KCNQ4: variants seen among roughly 807,000 people sequenced by gnomAD.
The protein encoded by KCNQ4 is potassium voltage-gated channel subfamily Q member 4, also known as potassium voltage-gated channel subfamily KQT member 4.
A neutral mutation model predicts 72.6 loss-of-function variants in KCNQ4; 31 were observed. The ratio of observed to expected loss-of-function variants is 0.43; its 90% CI spans 0.32 to 0.58. The LOEUF is 0.58. Among genes scored for constraint, KCNQ4 ranks in the 20% least tolerant of loss-of-function variants. KCNQ4 has a pLI of 0.08. For missense variants in KCNQ4, 869 were observed against 962.6 expected (o/e 0.90, Z 1.29); for synonymous variants, 405 against 403.7 (o/e 1.00, Z -0.04).
intron 4 of KCNQ4, chr1:40,819,113 G>A (rs1648196073): frequency 1.3e-5 from 6 of 474,118 alleles, no homozygotes; most frequent in Non-Finnish European, 2.3e-5. Context: ...GGAACCTGGA[G>A]ACTCAAGGCA....
intron 9 of KCNQ4, chr1:40,826,807 G>T (rs566547158): frequency 2.7e-6 from 1 of 376,670 alleles, no homozygotes; most frequent in Non-Finnish European, 5.5e-6. Context: ...GCCGCCTGCC[G>T]TCTGCCTTGG....
At chr1:40,811,955 C>A (rs990877011) in intron 1 of KCNQ4, among the ~76,000 whole-genome samples, 1 of 152,198 alleles carries the variant, frequency 6.6e-6, no homozygotes. Context: ...TTAGAAAGTC[C>A]TTTGTTGGAT....
At chr1:40,790,571 A>G (rs1647263309) in intron 1 of KCNQ4, among the ~76,000 whole-genome samples, 1 of 152,176 alleles carries the variant, frequency 6.6e-6, no homozygotes, top group Non-Finnish European at 1.5e-5. Context: ...CAGCCATCTT[A>G]TCAGGTGGGT....
At chr1:40,786,940 A>G (rs1570796274) in intron 1 of KCNQ4, among the ~76,000 whole-genome samples, 1 of 152,174 alleles carries the variant, frequency 6.6e-6, no homozygotes, top group African/African-American at 2.4e-5. Flanking sequence ...ACTCCTAGCC[A>G]GACCATTACA....
At chr1:40,820,634 C>G (rs1215474652) in intron 7 of KCNQ4, among the ~76,000 whole-genome samples, 2 of 152,244 alleles carry the variant, frequency 1.3e-5, no homozygotes, top group Non-Finnish European at 2.9e-5. Flanking sequence ...ACTTCCAGCA[C>G]CTTCATTCAT....
At position 40,838,180 on chromosome 1, in the gene KCNQ4, G is replaced by A. The variant is rs894150452; in HGVS notation, c.1876-131G>A. The A allele has an allele frequency of 1.7e-5, 14 of 805,640 alleles. No homozygotes were observed. In the African/African-American group the frequency reaches 1.9e-4, roughly 11 times the overall value. 49.9% of individuals were successfully genotyped at this position (805,640 alleles called of 1,614,324 possible). ...CTCTAGCCAAGCTCCACCTTTCCAG[G>A]CGGGATTTGTGCTTCCCAGATAAGC... On this transcript the variant is annotated intron_variant, in intron 13 of 13. Coordinates refer to ENST00000347132, the MANE Select transcript of KCNQ4 (RefSeq NM_004700.4).
chr1:40,824,435 G>A (rs369766451), intron 9 of KCNQ4, among the ~76,000 whole-genome samples, 177 bp downstream of exon 9: 1 of 152,234 alleles, frequency 6.6e-6, no homozygotes, highest in African/African-American at 2.4e-5. Context: ...CTCTGGAGGG[G>A]TCAGGCTGGA....
Position 40,823,972 on chromosome 1 carries a change from G to A in KCNQ4, c.1131-125G>A, listed in dbSNP as rs1648393069. 9.1e-6 allele frequency: 10 copies of A among 1,097,218 alleles called. No homozygotes were observed. In the South Asian group the frequency reaches 1.4e-4, roughly 15 times the overall value. 68.0% of individuals were successfully genotyped at this position (1,097,218 alleles called of 1,614,324 possible). On this transcript the variant is annotated intron_variant, in intron 8 of 13. Transcript: ENST00000347132. The stretch of plus-strand genomic sequence containing the variant: ...GTCCACCCTGTCCTATTCTGGCCGG[G>A]CTGTCAGTGAACACCTCTAGAGCAG...
intron 1 of KCNQ4, among the ~76,000 whole-genome samples, chr1:40,801,239 AAG>A (rs1169065817): frequency 9.2e-5 from 14 of 151,928 alleles, no homozygotes; most frequent in Non-Finnish European, 8.8e-5. Flanking sequence ...GCTAGGAAGA[AAG>A]AGGGGATCTT....
intron 1 of KCNQ4, among the ~76,000 whole-genome samples, chr1:40,811,907 G>A (rs1485318067): frequency 6.6e-6 from 1 of 152,244 alleles, no homozygotes; most frequent in African/African-American, 2.4e-5. Flanking sequence ...TTGTATAGAT[G>A]GAGAAACTGA....
chr1:40,818,016 C>T (rs907676110), intron 2 of KCNQ4, 148 bp from the exon 3 acceptor site: 38 of 1,002,790 alleles, frequency 3.8e-5, no homozygotes, highest in Non-Finnish European at 5.6e-5. Context: ...ACCTGCCCTC[C>T]GGAATCGTCA....
chr1:40,784,500 C>T lies in KCNQ4; in HGVS notation c.314+93C>T, dbSNP rs961855827. 3 of 1,288,664 alleles carry T rather than the reference C, an allele frequency of 2.3e-6. No individual in the cohort carries two copies. Among genetic ancestry groups the T allele is most frequent in the Non-Finnish European group, 3.3e-6 (3 of 904,114 alleles). The allele number at this position is 1,288,664 out of a possible 1,614,324, so 79.8% of individuals were successfully genotyped here. The stretch of plus-strand genomic sequence containing the variant: ...CCCGCCCTGGCTCCGCCTTCTACCC[C>T]CCTGCCTCAGGGCCGACCCTCATCT... On this transcript the variant is annotated intron_variant, in intron 1 of 13. Transcript: ENST00000347132. This position sits in a 1 kb window ranked among gnomAD's most constrained non-coding sequence, Gnocchi z 4.1.
At chr1:40,826,657 C>T (rs990635814) in intron 9 of KCNQ4, 4 of 455,828 alleles carry the variant, frequency 8.8e-6, no homozygotes, top group Middle Eastern at 3.2e-4. Context: ...TAATAATAAA[C>T]GGAGTTTCTT....
At chr1:40,833,526 G>A (rs1012131050) in intron 11 of KCNQ4, among the ~76,000 whole-genome samples, 2 of 152,006 alleles carry the variant, frequency 1.3e-5, no homozygotes, top group Admixed American at 6.5e-5. Context: ...CCTAGGCCAC[G>A]GCCTAGGCAT....
chr1:40,802,901 C>G (rs1010047268), intron 1 of KCNQ4, among the ~76,000 whole-genome samples: 1 of 152,326 alleles, frequency 6.6e-6, no homozygotes, highest in South Asian at 2.1e-4. Flanking sequence ...AAAAGTCACA[C>G]AGCCAAGGCA....
At chr1:40,815,897 C>G (rs967189578) in intron 1 of KCNQ4, among the ~76,000 whole-genome samples, 6 of 152,136 alleles carry the variant, frequency 3.9e-5, no homozygotes, top group Non-Finnish European at 8.8e-5. Flanking sequence ...TCTCTGACCC[C>G]GAGCTGCTGT....
intron 9 of KCNQ4, among the ~76,000 whole-genome samples, chr1:40,827,973 G>A (rs1648533690): frequency 1.3e-5 from 2 of 152,214 alleles, no homozygotes; most frequent in African/African-American, 4.8e-5. Context: ...TTGAGCTAAG[G>A]AGTCTCTGGG....
Position 40,811,980 on chromosome 1 carries a change from C to G in KCNQ4, c.315-5285C>G, listed in dbSNP as rs982320483. 3.3e-5 allele frequency among the ~76,000 whole-genome samples: 5 copies of G among 152,138 alleles called. No homozygotes were observed. The East Asian group carries it at 9.6e-4, about 29-fold the overall frequency. ...CTTTGTTGGATGAATGAAGCCACAC[C>G]CTAGTTGTGGCAGGCATGAGACCCC... On this transcript the variant is annotated intron_variant, in intron 1 of 13. Transcript: ENST00000347132.
intron 1 of KCNQ4, among the ~76,000 whole-genome samples, chr1:40,803,537 G>A (rs931616775): frequency 2.0e-5 from 3 of 152,178 alleles, no homozygotes; most frequent in Admixed American, 2.0e-4. Context: ...TCTCTTTACA[G>A]GCGGAGGAAA....
Sources: gnomAD v4.1 joint callset for allele counts (sites outside exome capture counted in the v4.1 genomes callset) on GRCh38, gnomAD v4.1.1 for gene constraint, Gnocchi (gnomAD v3.1) non-coding constraint, MANE v1.5 for transcripts, NCBI Gene and HGNC (gene_info 2026-07-23, HGNC 2026-07-21) for gene names.